The following NAA50 variants were observed in gnomAD, a reference collection of about 807,000 sequenced individuals.
The protein encoded by NAA50 is N-alpha-acetyltransferase 50, NatE catalytic subunit.
NAA50 carries 7 observed loss-of-function variants against 20.7 expected under a neutral mutation model. That is an observed-to-expected ratio of 0.34 (90% confidence interval 0.19 to 0.63). The LOEUF (loss-of-function observed/expected upper bound fraction) is 0.63. NAA50 is among the 30% of genes least tolerant of loss of function. The pLI, the probability that NAA50 is intolerant of heterozygous loss-of-function variation, is 0.75. For missense variants in NAA50, 111 were observed against 199.1 expected (o/e 0.56, Z 2.66); for synonymous variants, 54 against 70.6 (o/e 0.77, Z 1.18).
chr3:113,726,745 A>G (rs1427965997), intron 1 of NAA50, among the ~76,000 whole-genome samples: 2 of 147,576 alleles, frequency 1.4e-5, no homozygotes, highest in Non-Finnish European at 3.0e-5. Flanking sequence ...CTCCGCCTCA[A>G]AAAAAAAAAA....
chr3:113,725,456 A>G (rs1708187918), intron 1 of NAA50, among the ~76,000 whole-genome samples: 1 of 152,200 alleles, frequency 6.6e-6, no homozygotes. Flanking sequence ...TTAGATTAAA[A>G]TGCAAAAAAA....
At position 113,722,949 on chromosome 3, in the gene NAA50, A is replaced by G; in HGVS notation, c.289T>C (p.Leu97=). 1 of 1,542,628 alleles carries G rather than the reference A, an allele frequency of 6.5e-7. No individual in the cohort carries two copies. The highest frequency in any genetic ancestry group is 1.9e-5 in the Admixed American group (1 of 52,584). The change falls in exon 4 of 5, where the codon TTA becomes CTA. Residue 97 remains leucine, a synonymous_variant. Transcript: ENST00000240922. Reference sequence around the variant, plus strand: ...GTACCATCTTTTTCACAGATGTTTAAGACATGATTTAACATTTTAGTTCCT... The same window carrying G: ...GTACCATCTTTTTCACAGATGTTTAGGACATGATTTAACATTTTAGTTCCT... The part of the protein sequence containing the change: ...GIGTKMLNHV[L]NICEKDGTFD...
chr3:113,735,742 G>T (rs1488086414), intron 1 of NAA50, among the ~76,000 whole-genome samples: 1 of 152,194 alleles, frequency 6.6e-6, no homozygotes, highest in Non-Finnish European at 1.5e-5. Context: ...AGAGTGCAGT[G>T]GCTCAATCTC....
Position 113,720,702 on chromosome 3 carries a change from C to T in NAA50, c.*1058G>A, listed in dbSNP as rs1214684846. The T allele has an allele frequency of 6.6e-6, 1 of 152,364 alleles. No homozygotes were observed. Among genetic ancestry groups the T allele is most frequent in the Admixed American group, 6.5e-5 (1 of 15,278 alleles). The allele number at this position is 152,364 out of a possible 1,614,324, so 9.4% of individuals were successfully genotyped here. A position where few individuals can be genotyped will look rare whatever the true frequency, so the allele number is the denominator to read the frequency against. The stretch of plus-strand genomic sequence containing the variant: ...CACAGCTATGTTATTCTCAAAAATA[C>T]TATTTTTTCCTATAAAATCAAATGC... On this transcript the variant is annotated 3_prime_UTR_variant, in exon 5 of 5. Transcript: ENST00000240922.
At chr3:113,734,074 T>C (rs768330678) in intron 1 of NAA50, among the ~76,000 whole-genome samples, 6 of 152,094 alleles carry the variant, frequency 3.9e-5, no homozygotes, top group Non-Finnish European at 7.4e-5. Context: ...TTTCATTTCA[T>C]AAATGTTTAA....
In NAA50 at chr3:113,724,112, T is replaced by G. The variant is rs776325982; in HGVS notation, c.9-17A>C. On this transcript the variant is annotated splice_polypyrimidine_tract_variant and intron_variant, in intron 1 of 4. Coordinates refer to ENST00000240922, the MANE Select transcript of NAA50 (RefSeq NM_025146.4). ...ATCCGGCTACTGGAACAAATCAAAA[T>G]GTACTCAATAAAACATAATTAGCCC... 6.5e-7 allele frequency: 1 copy of G among 1,545,878 alleles called. No homozygotes were observed.
rs1708128145 is a variant in NAA50 at position 113,721,029 on chromosome 3, T to C, written c.*731A>G. 1 of 152,408 alleles carries C rather than the reference T, an allele frequency of 6.6e-6. No homozygotes were observed. The highest frequency in any genetic ancestry group is 6.6e-5 in the Admixed American group (1 of 15,238). The allele number at this position is 152,408 out of a possible 1,614,324, so 9.4% of individuals were successfully genotyped here. On this transcript the variant is annotated 3_prime_UTR_variant, in exon 5 of 5. Coordinates refer to ENST00000240922, the MANE Select transcript of NAA50 (RefSeq NM_025146.4). ...AAAAAATTAATCTCACCAGCCCAAA[T>C]TCTAAAAGTTAATGCCACTAGTAAC...
Position 113,746,105 on chromosome 3 carries a change from T to A in NAA50, c.-156A>T. On this transcript the variant is annotated 5_prime_UTR_variant, in exon 1 of 5. Coordinates refer to ENST00000240922, the MANE Select transcript of NAA50 (RefSeq NM_025146.4). ...GTGCGAGCAACGAAGGCCGCGAGAG[T>A]CGAGTGAGGGCTTGAGTCTGGTGGG... 1.1e-6 allele frequency: 1 copy of A among 938,220 alleles called. No homozygotes were observed. Among genetic ancestry groups the A allele is most frequent in the Non-Finnish European group, 1.6e-6 (1 of 634,260 alleles). 58.1% of individuals were successfully genotyped at this position (938,220 alleles called of 1,614,324 possible). A position where few individuals can be genotyped will look rare whatever the true frequency, so the allele number is the denominator to read the frequency against.
intron 4 of NAA50, among the ~76,000 whole-genome samples, chr3:113,722,248 A>C (rs1708144679): frequency 6.6e-6 from 1 of 152,144 alleles, no homozygotes; most frequent in South Asian, 2.1e-4. Flanking sequence ...AGGCCCTATT[A>C]ACACACAGAA....
In NAA50 at chr3:113,718,895, T is replaced by C. The variant is rs145692196; in HGVS notation, c.*2865A>G. 2.0e-5 allele frequency: 3 copies of C among 152,710 alleles called. No homozygotes were observed. Among genetic ancestry groups the C allele is most frequent in the Non-Finnish European group, 2.9e-5 (2 of 68,014 alleles). The allele number at this position is 152,710 out of a possible 1,614,324, so 9.5% of individuals were successfully genotyped here. A position where few individuals can be genotyped will look rare whatever the true frequency, so the allele number is the denominator to read the frequency against. ...ATTAGATCTTAAATGTGAAAGTAAATAAAAGCAGTAAGGGAAACACTACAC... is the reference window on the plus strand; with the variant it reads ...ATTAGATCTTAAATGTGAAAGTAAACAAAAGCAGTAAGGGAAACACTACAC... On this transcript the variant is annotated 3_prime_UTR_variant, in exon 5 of 5. Coordinates refer to ENST00000240922, the MANE Select transcript of NAA50 (RefSeq NM_025146.4).
At chr3:113,734,589 TTCC>T (rs1199049374) in intron 1 of NAA50, among the ~76,000 whole-genome samples, 9 of 152,240 alleles carry the variant, frequency 5.9e-5, no homozygotes, top group Admixed American at 4.6e-4. Context: ...AAGTAAATGA[TTCC>T]TCGTTTATTT....
intron 1 of NAA50, among the ~76,000 whole-genome samples, chr3:113,730,051 G>A (rs753483019): frequency 3.9e-5 from 6 of 152,090 alleles, no homozygotes; most frequent in Admixed American, 3.3e-4. Flanking sequence ...TGCAATCCCA[G>A]CACTTTGGAA....
At position 113,726,177 on chromosome 3, in the gene NAA50, TA is replaced by T. The variant is rs1708195811; in HGVS notation, c.9-2083del. Among the ~76,000 whole-genome samples, 5 of 152,248 alleles carry T rather than the reference TA, an allele frequency of 3.3e-5. No individual in the cohort carries two copies. In the South Asian group the frequency reaches 1.0e-3, roughly 32 times the overall value. On this transcript the variant is annotated intron_variant, in intron 1 of 4. Coordinates refer to ENST00000240922, the MANE Select transcript of NAA50 (RefSeq NM_025146.4). ...ATAGTTTCTTAGCAACCACACAGAT[TA>T]AATAAACAAACATGTTAGTAAAAGG...
chr3:113,742,223 C>T (rs1708426506), intron 1 of NAA50, among the ~76,000 whole-genome samples: 2 of 152,068 alleles, frequency 1.3e-5, no homozygotes, highest in Admixed American at 1.3e-4. Flanking sequence ...TTTGGTTTTG[C>T]TGAAAAACAA....
At chr3:113,738,714 T>C (rs1003607424) in intron 1 of NAA50, among the ~76,000 whole-genome samples, 1 of 152,244 alleles carries the variant, frequency 6.6e-6, no homozygotes, top group Non-Finnish European at 1.5e-5. Flanking sequence ...TCAATGCTTT[T>C]TGCATTATAG....
At chr3:113,745,324 C>T (rs1708476186) in intron 1 of NAA50, among the ~76,000 whole-genome samples, 1 of 152,118 alleles carries the variant, frequency 6.6e-6, no homozygotes. Context: ...CCTACTGATC[C>T]ACCCTATACT....
intron 1 of NAA50, 109 bp from the exon 2 acceptor site, chr3:113,724,204 T>C: frequency 8.4e-7 from 1 of 1,191,168 alleles, no homozygotes; most frequent in Non-Finnish European, 1.1e-6. Context: ...AATCCAACTC[T>C]TTCAGAGTTG....
intron 4 of NAA50, 114 bp downstream of exon 4, chr3:113,722,791 AC>A: frequency 8.3e-7 from 1 of 1,205,510 alleles, no homozygotes; most frequent in Admixed American, 3.2e-5. Context: ...TGTAACAACT[AC>A]TTCCACAGTG....
chr3:113,727,443 T>C (rs926659085), intron 1 of NAA50, among the ~76,000 whole-genome samples: 1 of 152,170 alleles, frequency 6.6e-6, no homozygotes, highest in African/African-American at 2.4e-5. Context: ...ATACCAGGTA[T>C]TTCTTGACTT....
Sources: gnomAD v4.1 joint callset for allele counts (sites outside exome capture counted in the v4.1 genomes callset) on GRCh38, gnomAD v4.1.1 for gene constraint, MANE v1.5 for transcripts, NCBI Gene and HGNC (gene_info 2026-07-23, HGNC 2026-07-21) for gene names.